Variants in DYM observed in about 807,000 individuals in gnomAD.
The protein encoded by DYM is dyggve-Melchior-Clausen syndrome protein.
DYM carries 78 observed loss-of-function variants against 93.1 expected under a neutral mutation model. The ratio of observed to expected loss-of-function variants is 0.84; its 90% CI spans 0.70 to 1.01. The LOEUF is 1.01. Among genes scored for constraint, DYM ranks in the 50% least tolerant of loss-of-function variants. The probability of loss-of-function intolerance (pLI) is 0.00; values close to 1 mark genes in which losing one functional copy is unlikely to be tolerated. For synonymous variants in DYM, 321 were observed against 319.7 expected (o/e 1.00, Z -0.04); for missense variants, 789 against 845.0 (o/e 0.93, Z 0.82).
intron 4 of DYM, 149 bp from the exon 5 acceptor site, chr18:49,378,849 GATTT>G: frequency 1.4e-6 from 1 of 737,236 alleles, no homozygotes; most frequent in Non-Finnish European, 2.2e-6. Flanking sequence ...AATGGCTCAT[GATTT>G]ATTTCATTGT....
At chr18:49,454,907 C>CAAAAA (rs35671085) in intron 1 of DYM, among the ~76,000 whole-genome samples, 1 of 73,224 alleles carries the variant, frequency 1.4e-5, no homozygotes. Context: ...GACTCTGTCT[C>CAAAAA]AAAAAAAAAA....
intron 13 of DYM, among the ~76,000 whole-genome samples, chr18:49,227,917 C>T (rs1262354263): frequency 6.6e-6 from 1 of 152,148 alleles, no homozygotes; most frequent in East Asian, 1.9e-4. Context: ...AAAACTCCTA[C>T]TCTTCACTAA....
intron 8 of DYM, among the ~76,000 whole-genome samples, chr18:49,289,404 T>TAAAAAAAAAAAAAAAAAAA (rs56240607): frequency 6.0e-4 from 20 of 33,522 alleles, no homozygotes; most frequent in South Asian, 1.0e-3. Flanking sequence ...TACAAATCAG[T>TAAAAAAAAAAAAAAAAAAA]AAAAAAAAAA....
intron 14 of DYM, among the ~76,000 whole-genome samples, chr18:49,203,235 TCAGCCCCCCCTGCCCGGC>T (rs2092237687): frequency 3.3e-5 from 1 of 30,572 alleles, no homozygotes; most frequent in Non-Finnish European, 8.4e-5. Flanking sequence ...GTGGGGGGGG[TCAGCCCCCCCTGCCCGGC>T]CAGCCGCCCC....
At chr18:49,046,416 TAC>T (rs1043851724) in intron 17 of DYM, among the ~76,000 whole-genome samples, 9 of 129,292 alleles carry the variant, frequency 7.0e-5, no homozygotes, top group Non-Finnish European at 8.1e-5. Context: ...ACAAGACACA[TAC>T]ACACACAATA....
At chr18:49,348,268 T>C (rs934975783) in intron 6 of DYM, among the ~76,000 whole-genome samples, 1 of 152,120 alleles carries the variant, frequency 6.6e-6, no homozygotes, top group Non-Finnish European at 1.5e-5. Flanking sequence ...GACCAAAATT[T>C]AGAAATATCA....
intron 1 of DYM, among the ~76,000 whole-genome samples, chr18:49,440,322 T>C (rs1183541070): frequency 1.6e-5 from 2 of 128,222 alleles, no homozygotes; most frequent in Non-Finnish European, 3.3e-5. Context: ...CTCCTAAATA[T>C]ACATATACTA....
chr18:49,255,485 C>T (rs1346984018), intron 13 of DYM, among the ~76,000 whole-genome samples: 1 of 151,962 alleles, frequency 6.6e-6, no homozygotes, highest in African/African-American at 2.4e-5. Context: ...CCAACCTGAC[C>T]AACATGGTGA....
rs2094725852 is a variant in DYM, at chr18:49,272,310, A to G, written c.1126-7T>C. ...TCTCAAGAATTGGTAAAACCTAGAG[A>G]ATAAAAATTATAATTGACTATTTCA... On this transcript the variant is annotated splice_region_variant and splice_polypyrimidine_tract_variant and intron_variant, in intron 10 of 17. Coordinates refer to ENST00000675505, the MANE Select transcript of DYM (RefSeq NM_001353214.3). 1 of 1,491,350 alleles carries G rather than the reference A, an allele frequency of 6.7e-7. No individual in the cohort carries two copies. The highest frequency in any genetic ancestry group is 2.3e-5 in the East Asian group (1 of 44,066). 92.4% of individuals were successfully genotyped at this position (1,491,350 alleles called of 1,614,324 possible). A position where few individuals can be genotyped will look rare whatever the true frequency, so the allele number is the denominator to read the frequency against.
intron 6 of DYM, chr18:49,359,821 G>T (rs1280472919): frequency 2.0e-5 from 3 of 152,170 alleles, no homozygotes; most frequent in Admixed American, 2.0e-4. Flanking sequence ...TGATGTTCAG[G>T]TGTGAGAGCA....
At chr18:49,169,739 TG>T (rs1457234810) in intron 14 of DYM, among the ~76,000 whole-genome samples, 1 of 152,158 alleles carries the variant, frequency 6.6e-6, no homozygotes, top group Non-Finnish European at 1.5e-5. Flanking sequence ...AACCGAAGGT[TG>T]AAAACCACTG....
At chr18:49,363,254 A>ATT (rs3840892) in intron 5 of DYM, 21 bp from the exon 6 acceptor site, 167 of 1,573,114 alleles carry the variant, frequency 1.1e-4, no homozygotes, top group South Asian at 3.7e-4. Context: ...ACATAAAAAG[A>ATT]TTTTTTTTTA....
intron 17 of DYM, among the ~76,000 whole-genome samples, chr18:49,077,315 A>T (rs778811121): frequency 1.1e-4 from 17 of 152,176 alleles, no homozygotes; most frequent in Non-Finnish European, 1.8e-4. Flanking sequence ...TTTCTCTCTC[A>T]GTTTTGCCTT....
intron 13 of DYM, among the ~76,000 whole-genome samples, chr18:49,244,616 A>T (rs1286387147): frequency 2.0e-5 from 3 of 150,704 alleles, no homozygotes; most frequent in African/African-American, 7.3e-5. Flanking sequence ...TCATTATAAA[A>T]TATAAATAAT....
At chr18:49,256,945 C>G in intron 13 of DYM, 65 bp downstream of exon 13, 2 of 1,338,374 alleles carry the variant, frequency 1.5e-6, no homozygotes, top group South Asian at 2.4e-5. Flanking sequence ...AAGGAACCAC[C>G]ATAGTATCCA....
At position 49,085,125 on chromosome 18, in the gene DYM, T is replaced by C. The variant is rs574332677; in HGVS notation, c.2025+12277A>G. 4.9e-4 allele frequency among the ~76,000 whole-genome samples: 75 copies of C among 152,326 alleles called. 1 individual carries two copies. The highest frequency in any genetic ancestry group is 1.6e-3 in the African/African-American group (68 of 41,574). ...AGTAGATGAGACCTTGACTATGTTC[T>C]AGATACAATGTATGACCAAAAACAG... On this transcript the variant is annotated intron_variant, in intron 17 of 17. Coordinates refer to ENST00000675505, the MANE Select transcript of DYM (RefSeq NM_001353214.3).
chr18:49,430,179 T>G, intron 2 of DYM, 76 bp downstream of exon 2: 1 of 1,319,002 alleles, frequency 7.6e-7, no homozygotes, highest in Non-Finnish European at 1.1e-6. Flanking sequence ...CATTTCTAAA[T>G]TTTTTTTTAA....
chr18:49,265,242 C>T (rs2094551128), intron 11 of DYM, among the ~76,000 whole-genome samples: 1 of 152,188 alleles, frequency 6.6e-6, no homozygotes, highest in South Asian at 2.1e-4. Flanking sequence ...AACCCGAGAG[C>T]AGGCTCAAGA....
chr18:49,047,070 G>A (rs2071687557), intron 17 of DYM, among the ~76,000 whole-genome samples: 1 of 152,124 alleles, frequency 6.6e-6, no homozygotes, highest in South Asian at 2.1e-4. Flanking sequence ...TTCCTAAAAC[G>A]GAGGGTGTTC....
Sources: gnomAD v4.1 joint callset for allele counts (sites outside exome capture counted in the v4.1 genomes callset) on GRCh38, gnomAD v4.1.1 for gene constraint, MANE v1.5 for transcripts, NCBI Gene and HGNC (gene_info 2026-07-23, HGNC 2026-07-21) for gene names.